The following SIK2 variants were observed in gnomAD, a reference collection of about 807,000 sequenced individuals.
The protein encoded by SIK2 is salt inducible kinase 2.
Under a neutral mutation model 103.2 loss-of-function variants are expected in SIK2, and 29 were observed. The ratio of observed to expected loss-of-function variants is 0.28; its 90% CI spans 0.21 to 0.38. The LOEUF (loss-of-function observed/expected upper bound fraction) is 0.38, where lower values mean the gene tolerates loss of function less well. Among genes scored for constraint, SIK2 ranks in the 10% least tolerant of loss-of-function variants. The pLI, the probability that SIK2 is intolerant of heterozygous loss-of-function variation, is 1.00. For missense variants in SIK2, 879 were observed against 1,171.0 expected, an observed-to-expected ratio of 0.75 and a Z score of 3.64; for synonymous variants, 412 against 446.1, an observed-to-expected ratio of 0.92 and a Z score of 0.96.
intron 3 of SIK2, among the ~76,000 whole-genome samples, chr11:111,657,453 A>G (rs1942405576): frequency 1.3e-5 from 2 of 152,038 alleles, no homozygotes; most frequent in South Asian, 4.1e-4. Context: ...GCAGTGGTGC[A>G]GCCATGGCTC....
intron 2 of SIK2, among the ~76,000 whole-genome samples, chr11:111,619,940 A>G (rs1400629579): frequency 6.6e-6 from 1 of 152,242 alleles, no homozygotes; most frequent in Non-Finnish European, 1.5e-5. Flanking sequence ...TAGAAACGTC[A>G]GTGAGGAGAT....
At position 111,729,534 on chromosome 11, in the gene SIK2, A is replaced by G. The variant is rs1276156439; in HGVS notation, c.*5405A>G. 1 of 152,244 alleles carries G rather than the reference A, an allele frequency of 6.6e-6. No individual in the cohort carries two copies. Among genetic ancestry groups the G allele is most frequent in the East Asian group, 1.9e-4 (1 of 5,206 alleles). The allele number at this position is 152,244 out of a possible 1,614,324, so 9.4% of individuals were successfully genotyped here. On this transcript the variant is annotated 3_prime_UTR_variant, in exon 15 of 15. Transcript: ENST00000304987. ...TCTCTGAGATCACAGCTGGTGATAGAAGGAGCTGGGACACGCGCTTGGGTT... is the reference window on the plus strand; with the variant it reads ...TCTCTGAGATCACAGCTGGTGATAGGAGGAGCTGGGACACGCGCTTGGGTT...
intron 3 of SIK2, among the ~76,000 whole-genome samples, chr11:111,634,781 A>G (rs1330959525): frequency 1.3e-5 from 2 of 152,228 alleles, no homozygotes; most frequent in Non-Finnish European, 2.9e-5. Context: ...TTCCTTTCCA[A>G]TCACATTCCG....
intron 8 of SIK2, among the ~76,000 whole-genome samples, chr11:111,711,478 A>G (rs745708520): frequency 6.6e-6 from 1 of 152,220 alleles, no homozygotes; most frequent in African/African-American, 2.4e-5. Context: ...GTAGTTAACA[A>G]ACGAGACGTG....
At chr11:111,640,880 C>G (rs757790250) in intron 3 of SIK2, among the ~76,000 whole-genome samples, 18 of 151,354 alleles carry the variant, frequency 1.2e-4, no homozygotes, top group African/African-American at 4.1e-4. Flanking sequence ...GACTACAGGC[C>G]CCCGCTACCA....
At chr11:111,669,161 G>C (rs1421830038) in intron 3 of SIK2, among the ~76,000 whole-genome samples, 3 of 152,282 alleles carry the variant, frequency 2.0e-5, no homozygotes, top group Non-Finnish European at 4.4e-5. Context: ...ATGCTTCCAA[G>C]CAGATCTCAT....
Position 111,701,379 on chromosome 11 carries a change from TG to T in SIK2, c.604-69del. 6.4e-7 allele frequency: 1 copy of T among 1,551,934 alleles called. No individual in the cohort carries two copies. The highest frequency in any genetic ancestry group is 8.8e-7 in the Non-Finnish European group (1 of 1,142,684). ...TCAGTCCATATGATTTCAAGAGCCC[TG>T]GGGATGTTCAGGAAAACAAAGAGTG... On this transcript the variant is annotated intron_variant, in intron 5 of 14. Transcript: ENST00000304987. The surrounding 1 kb of genome is among the most constrained non-coding windows in gnomAD (Gnocchi z 4.2).
chr11:111,702,753 G>T (rs1591629765), intron 6 of SIK2, among the ~76,000 whole-genome samples: 1 of 152,182 alleles, frequency 6.6e-6, no homozygotes, highest in African/African-American at 2.4e-5. Context: ...AATATTTTAT[G>T]TACACTTTTC....
rs373492780 is a variant in SIK2, at chr11:111,671,329, G to A, written c.317-16672G>A. ...CATGTCCTGATTGGCCCATTGCAGGGCGGCCTCCAGCTCCACCAGCTTGGC... is the reference window on the plus strand; with the variant it reads ...CATGTCCTGATTGGCCCATTGCAGGACGGCCTCCAGCTCCACCAGCTTGGC... On this transcript the variant is annotated intron_variant, in intron 3 of 14. Transcript: ENST00000304987. 6 of 233,448 alleles carry A rather than the reference G, an allele frequency of 2.6e-5. No homozygotes were observed. The South Asian group carries it at 3.2e-4, about 12-fold the overall frequency. 14.5% of individuals were successfully genotyped at this position (233,448 alleles called of 1,614,324 possible).
chr11:111,660,839 C>CTTTTTTTTTTTTTTTTTTTT (rs57174726), intron 3 of SIK2, among the ~76,000 whole-genome samples: 8 of 90,418 alleles, frequency 8.8e-5, no homozygotes, highest in African/African-American at 1.7e-4. Flanking sequence ...GTGAAGTTGG[C>CTTTTTTTTTTTTTTTTTTTT]TTTTTTTTTT....
In SIK2 at chr11:111,616,260, C is replaced by T. The variant is rs147962481; in HGVS notation, c.153C>T (p.Ile51=). ...ITKTEVAIKI[I]DKSQLDAVNL... is the part of the protein sequence containing the mutation. The stretch of plus-strand genomic sequence containing the variant: ...GGATGCAGGTGGCAATAAAAATAAT[C>T]GATAAGTCTCAGCTGGATGCAGTGA... Residue 51 remains isoleucine, a synonymous_variant, in exon 2 of 15, where the codon ATC becomes ATT. Coordinates refer to ENST00000304987, the MANE Select transcript of SIK2 (RefSeq NM_015191.3). The T allele has an allele frequency of 7.4e-6, 12 of 1,612,040 alleles. No homozygotes were observed. Among genetic ancestry groups the T allele is most frequent in the African/African-American group, 2.7e-5 (2 of 74,826 alleles).
intron 3 of SIK2, among the ~76,000 whole-genome samples, chr11:111,622,759 A>C (rs1318454836): frequency 6.6e-6 from 1 of 152,112 alleles, no homozygotes; most frequent in Non-Finnish European, 1.5e-5. Context: ...TGTTTCTGAC[A>C]AAAAAACCAC....
At chr11:111,708,498 A>G (rs1166224924) in intron 8 of SIK2, among the ~76,000 whole-genome samples, 1 of 152,156 alleles carries the variant, frequency 6.6e-6, no homozygotes, top group Non-Finnish European at 1.5e-5. Flanking sequence ...TGCAGGAAGT[A>G]TTAGATCTAA....
chr11:111,662,751 G>A (rs956322481), intron 3 of SIK2, among the ~76,000 whole-genome samples: 1 of 151,786 alleles, frequency 6.6e-6, no homozygotes, highest in Non-Finnish European at 1.5e-5. Context: ...GGTGGTGTGT[G>A]CATGTAGTCC....
chr11:111,653,226 C>A (rs762848314), intron 3 of SIK2, among the ~76,000 whole-genome samples: 2 of 152,136 alleles, frequency 1.3e-5, no homozygotes, highest in Non-Finnish European at 2.9e-5. Context: ...TGGGAAAAGA[C>A]GTTATTACTT....
chr11:111,668,292 G>A (rs985103197), intron 3 of SIK2, among the ~76,000 whole-genome samples: 5 of 152,094 alleles, frequency 3.3e-5, no homozygotes, highest in African/African-American at 1.2e-4. Context: ...TCACATTTTT[G>A]CAGCTTCATA....
intron 1 of SIK2, among the ~76,000 whole-genome samples, chr11:111,605,444 A>G (rs1253744670): frequency 6.6e-6 from 1 of 152,232 alleles, no homozygotes; most frequent in East Asian, 1.9e-4. Flanking sequence ...TTCAGTTTTC[A>G]TGGCAGAACA....
At chr11:111,664,774 C>T (rs1000547789) in intron 3 of SIK2, among the ~76,000 whole-genome samples, 8 of 147,972 alleles carry the variant, frequency 5.4e-5, no homozygotes, top group African/African-American at 2.0e-4. Flanking sequence ...TCTTTTGTTT[C>T]TCTGCCTAAG....
intron 3 of SIK2, among the ~76,000 whole-genome samples, chr11:111,658,528 A>C (rs921835644): frequency 6.6e-6 from 1 of 152,186 alleles, no homozygotes; most frequent in Admixed American, 6.5e-5. Flanking sequence ...AAATCACTTG[A>C]GCCTAGGAGT....
Sources: gnomAD v4.1 joint callset for allele counts (sites outside exome capture counted in the v4.1 genomes callset) on GRCh38, gnomAD v4.1.1 for gene constraint, Gnocchi (gnomAD v3.1) non-coding constraint, MANE v1.5 for transcripts, NCBI Gene and HGNC (gene_info 2026-07-23, HGNC 2026-07-21) for gene names.